The following PTPRN2 variants were observed in gnomAD, a reference collection of about 807,000 sequenced individuals.
PTPRN2 encodes the protein receptor-type tyrosine-protein phosphatase N2.
A neutral mutation model predicts 118.8 loss-of-function variants in PTPRN2; 74 were observed. The observed-to-expected ratio is 0.62, with a 90% CI of 0.52 to 0.76. The LOEUF (loss-of-function observed/expected upper bound fraction) is 0.76. PTPRN2 is among the 30% of genes least tolerant of loss of function. The pLI is 0.00. For missense variants in PTPRN2, 1,481 were observed against 1,394.4 expected (o/e 1.06, Z -0.99); for synonymous variants, 641 against 608.0 (o/e 1.05, Z -0.80).
At position 157,874,364 on chromosome 7, in the gene PTPRN2, A is replaced by C. The variant is rs1795583413; in HGVS notation, c.1788+24309T>G. Among the ~76,000 whole-genome samples the C allele has an allele frequency of 6.6e-6, 1 of 152,166 alleles. No homozygotes were observed. Among genetic ancestry groups the C allele is most frequent in the South Asian group, 2.1e-4 (1 of 4,830 alleles). On this transcript the variant is annotated intron_variant, in intron 12 of 22. Transcript: ENST00000389418. This position sits in a 1 kb window ranked among gnomAD's most constrained non-coding sequence, Gnocchi z 5.8. ...TTTTCAACGTGACACACGCAGGTGA[A>C]GTGGACCTGACCCAGCTCCTGCTTT...
chr7:157,921,633 G>A (rs1798697167), intron 11 of PTPRN2, among the ~76,000 whole-genome samples: 1 of 152,194 alleles, frequency 6.6e-6, no homozygotes, highest in Admixed American at 6.5e-5. Context: ...CTGCTGTAAG[G>A]CGAGCCCAGC....
rs1198328683 is a variant in PTPRN2 at position 157,764,101 on chromosome 7, C to T, written c.1789-81164G>A. Among the ~76,000 whole-genome samples the T allele has an allele frequency of 6.6e-6, 1 of 152,076 alleles. No homozygotes were observed. Among genetic ancestry groups the T allele is most frequent in the Non-Finnish European group, 1.5e-5 (1 of 68,014 alleles). ...CACACACACAACAAAAACGTGCTGGCGAGAATGCTGAGGAATCGTAACTGG... is the reference window on the plus strand; with the variant it reads ...CACACACACAACAAAAACGTGCTGGTGAGAATGCTGAGGAATCGTAACTGG... On this transcript the variant is annotated intron_variant, in intron 12 of 22. Transcript: ENST00000389418. The surrounding 1 kb of genome is among the most constrained non-coding windows in gnomAD (Gnocchi z 4.5).
At chr7:158,193,208 A>T (rs1825921370) in intron 4 of PTPRN2, among the ~76,000 whole-genome samples, 1 of 152,194 alleles carries the variant, frequency 6.6e-6, no homozygotes, top group African/African-American at 2.4e-5. Context: ...CGGCAGGGGT[A>T]GGGCCAGCGA....
At chr7:158,475,561 C>T (rs1027643602) in intron 2 of PTPRN2, among the ~76,000 whole-genome samples, 1 of 151,294 alleles carries the variant, frequency 6.6e-6, no homozygotes, top group Non-Finnish European at 1.5e-5. Context: ...AGGGCACGCC[C>T]GCCTCCACCC....
intron 11 of PTPRN2, among the ~76,000 whole-genome samples, chr7:158,024,167 G>A (rs533435334): frequency 6.6e-6 from 1 of 152,096 alleles, no homozygotes; most frequent in African/African-American, 2.4e-5. Context: ...GCTCCGGGAT[G>A]TTGTGAACAT....
chr7:157,759,171 G>A (rs1204501883), intron 12 of PTPRN2, among the ~76,000 whole-genome samples: 1 of 152,230 alleles, frequency 6.6e-6, no homozygotes, highest in Non-Finnish European at 1.5e-5. Context: ...CCCTCTCCTG[G>A]GAGCATCGGT....
intron 12 of PTPRN2, among the ~76,000 whole-genome samples, chr7:157,733,785 C>T (rs1380435793): frequency 3.7e-5 from 1 of 26,686 alleles, no homozygotes; most frequent in Non-Finnish European, 7.3e-5. Context: ...TACCCTTTCC[C>T]GTCCCACGCG....
intron 2 of PTPRN2, among the ~76,000 whole-genome samples, chr7:158,355,616 C>T (rs1377793577): frequency 6.6e-6 from 1 of 152,222 alleles, no homozygotes; most frequent in Non-Finnish European, 1.5e-5. Flanking sequence ...AGTGGAGAAG[C>T]CCGCAGCAGT....
At chr7:158,080,982 G>A (rs1045676576) in intron 11 of PTPRN2, among the ~76,000 whole-genome samples, 3 of 152,176 alleles carry the variant, frequency 2.0e-5, no homozygotes, top group African/African-American at 4.8e-5. Context: ...TCCAAAAGCC[G>A]GATTTGTTCT....
chr7:158,545,572 G>A (rs112894605), intron 1 of PTPRN2, among the ~76,000 whole-genome samples: 2,718 of 152,238 alleles, frequency 0.018, 90 homozygotes, highest in African/African-American at 0.061. Flanking sequence ...TTCACACCCC[G>A]CTCCGTGTGG....
At chr7:157,853,394 C>T (rs1441330909) in intron 12 of PTPRN2, among the ~76,000 whole-genome samples, 1 of 152,206 alleles carries the variant, frequency 6.6e-6, no homozygotes, top group Non-Finnish European at 1.5e-5. Flanking sequence ...AAGCATCCCG[C>T]ACCGTGCCCA....
chr7:158,502,236 C>G (rs577998439), intron 1 of PTPRN2, among the ~76,000 whole-genome samples: 1 of 152,360 alleles, frequency 6.6e-6, no homozygotes, highest in South Asian at 2.1e-4. Context: ...GCCACGCCCA[C>G]TTGCTTACAG....
rs1211594993 is a variant in PTPRN2 at position 158,480,967 on chromosome 7, G to A, written c.163+8768C>T. Among the ~76,000 whole-genome samples the A allele has an allele frequency of 2.0e-5, 3 of 152,258 alleles. No individual in the cohort carries two copies. In the East Asian group the frequency reaches 5.8e-4, roughly 29 times the overall value. On this transcript the variant is annotated intron_variant, in intron 2 of 22. Coordinates refer to ENST00000389418, the MANE Select transcript of PTPRN2 (RefSeq NM_002847.5). Reference sequence around the variant, plus strand: ...TGCAGCAAGCTCTCCAGAAGATCTGGCTGAGATCAGTGACGAAGGTGGCTG... The same window carrying A: ...TGCAGCAAGCTCTCCAGAAGATCTGACTGAGATCAGTGACGAAGGTGGCTG...
chr7:158,553,797 G>A (rs1172697587), intron 1 of PTPRN2, among the ~76,000 whole-genome samples: 1 of 148,686 alleles, frequency 6.7e-6, no homozygotes, highest in Admixed American at 6.7e-5. Context: ...CCTGCATTTG[G>A]GGGATCCCAG....
intron 10 of PTPRN2, among the ~76,000 whole-genome samples, chr7:158,085,216 A>G (rs1170969119): frequency 8.4e-6 from 1 of 118,518 alleles, no homozygotes. Context: ...ACGCCCATCC[A>G]CACAGATACC....
At chr7:158,186,036 T>C (rs550591270) in intron 5 of PTPRN2, among the ~76,000 whole-genome samples, 26 of 152,258 alleles carry the variant, frequency 1.7e-4, no homozygotes, top group African/African-American at 6.0e-4. Flanking sequence ...CCATCCCTAG[T>C]GCCGCATCTC....
At chr7:158,085,395 C>T (rs1813264607) in intron 10 of PTPRN2, among the ~76,000 whole-genome samples, 1 of 26,154 alleles carries the variant, frequency 3.8e-5, no homozygotes, top group Non-Finnish European at 1.5e-4. Flanking sequence ...CATCCACACC[C>T]ACGACGCCCA....
At chr7:158,391,599 T>C (rs1811932901) in intron 2 of PTPRN2, among the ~76,000 whole-genome samples, 1 of 152,076 alleles carries the variant, frequency 6.6e-6, no homozygotes, top group Admixed American at 6.5e-5. Context: ...CTTCCCACAT[T>C]TTCCCACCAG....
At chr7:158,168,856 C>T (rs1218380753) in intron 5 of PTPRN2, among the ~76,000 whole-genome samples, 2 of 152,114 alleles carry the variant, frequency 1.3e-5, no homozygotes, top group Non-Finnish European at 2.9e-5. Flanking sequence ...GTGAAAAGTC[C>T]CCACATTGTA....
Sources: allele counts gnomAD v4.1 joint callset (sites outside exome capture counted in the v4.1 genomes callset), GRCh38; gene constraint gnomAD v4.1.1; non-coding constraint Gnocchi (gnomAD v3.1); transcripts MANE v1.5; gene names NCBI Gene and HGNC (gene_info 2026-07-23, HGNC 2026-07-21).